The following PCDHGA6 variants were observed in gnomAD, a reference collection of about 807,000 sequenced individuals.
PCDHGA6 encodes the protein protocadherin gamma subfamily A, 6, also known as protocadherin gamma-A6.
Under a neutral mutation model 60.6 loss-of-function variants are expected in PCDHGA6, and 41 were observed. The observed-to-expected ratio is 0.68, with a 90% CI of 0.53 to 0.88. PCDHGA6 has a LOEUF of 0.88. Ranked by LOEUF, PCDHGA6 falls within the 40% of genes least tolerant of loss-of-function variation. PCDHGA6 has a pLI of 0.00. For synonymous variants in PCDHGA6, 594 were observed against 524.4 expected (o/e 1.13, Z -1.81); for missense variants, 1,312 against 1,203.0 (o/e 1.09, Z -1.34).
In PCDHGA6 at chr5:141,476,432, G is replaced by A. The variant is rs139089802; in HGVS notation, c.2425-18375G>A. 15 of 1,614,116 alleles carry A rather than the reference G, an allele frequency of 9.3e-6. No individual in the cohort carries two copies. The East Asian group carries it at 3.3e-4, about 36-fold the overall frequency. Reference sequence around the variant, plus strand: ...GTGTGGGACACTGCCCTCTTGCACTGTAACTCTGGAGTTGGTAGTGGAGAA... The same window carrying A: ...GTGTGGGACACTGCCCTCTTGCACTATAACTCTGGAGTTGGTAGTGGAGAA... On this transcript the variant is annotated intron_variant, in intron 1 of 3. Coordinates refer to ENST00000517434, the MANE Select transcript of PCDHGA6 (RefSeq NM_018919.3). The surrounding 1 kb of genome is among the most constrained non-coding windows in gnomAD (Gnocchi z 7.6).
chr5:141,410,560 A>G (rs769354927), intron 1 of PCDHGA6: 3 of 1,612,824 alleles, frequency 1.9e-6, no homozygotes, highest in African/African-American at 1.3e-5. Flanking sequence ...TTTCTCCTGG[A>G]GCCTTAATTC....
rs752155536 is a variant in PCDHGA6, at chr5:141,477,181, C to T, written c.2425-17626C>T. The T allele has an allele frequency of 2.5e-6, 4 of 1,614,182 alleles. No individual in the cohort carries two copies. In the Admixed American group the frequency reaches 6.7e-5, roughly 27 times the overall value. ...ACAACGCCCCGGAGATCACAGTCACCTCCGTGTACAGCCCAGTACCCGAGG... is the reference window on the plus strand; with the variant it reads ...ACAACGCCCCGGAGATCACAGTCACTTCCGTGTACAGCCCAGTACCCGAGG... On this transcript the variant is annotated intron_variant, in intron 1 of 3. Transcript: ENST00000517434. This position sits in a 1 kb window ranked among gnomAD's most constrained non-coding sequence, Gnocchi z 4.9.
chr5:141,399,991 G>A (rs1226741326), intron 1 of PCDHGA6: 1 of 1,612,422 alleles, frequency 6.2e-7, no homozygotes. Context: ...CACAGGAGAG[G>A]TGCGCACAGC....
Position 141,491,964 on chromosome 5 carries a change from C to A in PCDHGA6, c.2425-2843C>A. On this transcript the variant is annotated intron_variant, in intron 1 of 3. Transcript: ENST00000517434. The surrounding 1 kb of genome is among the most constrained non-coding windows in gnomAD (Gnocchi z 6.9). ...CCCCACCCCTACACTCAAAAAAGGC[C>A]GGGGCCTCCTTCGAGCTTCCGGTGA... The A allele has an allele frequency of 1.1e-6, 1 of 943,952 alleles. No homozygotes were observed. The highest frequency in any genetic ancestry group is 1.5e-6 in the Non-Finnish European group (1 of 671,094). 58.5% of individuals were successfully genotyped at this position (943,952 alleles called of 1,614,324 possible). A position where few individuals can be genotyped will look rare whatever the true frequency, so the allele number is the denominator to read the frequency against.
In PCDHGA6 at chr5:141,491,406, C is replaced by G. The variant is rs773729429; in HGVS notation, c.2425-3401C>G. On this transcript the variant is annotated intron_variant, in intron 1 of 3. Transcript: ENST00000517434. This position sits in a 1 kb window ranked among gnomAD's most constrained non-coding sequence, Gnocchi z 6.9. ...CGAAGTGCCTTCAGGGAAACGCAGA[C>G]GGGGACGGGGGTGGAGGGCAGTGCT... 9 of 1,613,978 alleles carry G rather than the reference C, an allele frequency of 5.6e-6. No homozygotes were observed.
intron 1 of PCDHGA6, chr5:141,389,721 G>A (rs1477842058): frequency 2.5e-6 from 4 of 1,612,502 alleles, no homozygotes; most frequent in Non-Finnish European, 1.7e-6. Context: ...TAGCGAGCCC[G>A]GGCTCTTCAG....
intron 1 of PCDHGA6, chr5:141,421,851 T>G: frequency 6.2e-7 from 1 of 1,613,714 alleles, no homozygotes; most frequent in East Asian, 2.2e-5. Context: ...AAGAGGCTGC[T>G]CACCTGCTCC....
At chr5:141,413,411 T>TC in intron 1 of PCDHGA6, 1 of 1,614,038 alleles carries the variant, frequency 6.2e-7, no homozygotes, top group Non-Finnish European at 8.5e-7. Flanking sequence ...ACGCAGCTTT[T>TC]CTCTCTGAAC....
chr5:141,400,454 T>C (rs779993462), intron 1 of PCDHGA6: 1 of 1,614,096 alleles, frequency 6.2e-7, no homozygotes, highest in Non-Finnish European at 8.5e-7. Flanking sequence ...CAAGACATAC[T>C]TTGTGGTGAT....
intron 1 of PCDHGA6, among the ~76,000 whole-genome samples, chr5:141,456,166 G>A (rs531975607): frequency 6.6e-6 from 1 of 152,148 alleles, no homozygotes; most frequent in African/African-American, 2.4e-5. Flanking sequence ...TAAAGTGCTG[G>A]GATTACAGAA....
rs375487349 is a variant in PCDHGA6 at position 141,383,260 on chromosome 5, G to A, written c.2424+6753G>A. The A allele has an allele frequency of 7.3e-5, 118 of 1,613,782 alleles. 1 individual carries two copies. In the East Asian group the frequency reaches 2.5e-3, roughly 35 times the overall value. On this transcript the variant is annotated intron_variant, in intron 1 of 3. Coordinates refer to ENST00000517434, the MANE Select transcript of PCDHGA6 (RefSeq NM_018919.3). The stretch of plus-strand genomic sequence containing the variant: ...TAAAATGAATCTTTACCCTATAGAC[G>A]TGGAAATAATAGATATTAATGACAA...
Position 141,432,521 on chromosome 5 carries a change from G to C in PCDHGA6, c.2424+56014G>C. ...CCGCTCCGCAGAGCCCGGCTACCTG[G>C]TGACCAAGGTGGTGGCGGTGGACAG... On this transcript the variant is annotated intron_variant, in intron 1 of 3. Transcript: ENST00000517434. The surrounding 1 kb of genome is among the most constrained non-coding windows in gnomAD (Gnocchi z 6.0). 1.2e-6 allele frequency: 2 copies of C among 1,614,112 alleles called. No individual in the cohort carries two copies. The highest frequency in any genetic ancestry group is 1.7e-6 in the Non-Finnish European group (2 of 1,180,028).
chr5:141,389,121 A>T (rs754294132), intron 1 of PCDHGA6: 2 of 1,613,910 alleles, frequency 1.2e-6, no homozygotes, highest in Non-Finnish European at 1.7e-6. Flanking sequence ...CCGCGAGCAG[A>T]ATCCAGAGTA....
chr5:141,415,322 T>G (rs1226384298), intron 1 of PCDHGA6: 2 of 1,614,104 alleles, frequency 1.2e-6, no homozygotes, highest in South Asian at 2.2e-5. Flanking sequence ...ATCGTGCTGC[T>G]GGCGCACAGG....
chr5:141,395,302 T>C, intron 1 of PCDHGA6: 1 of 1,516,670 alleles, frequency 6.6e-7, no homozygotes, highest in East Asian at 2.3e-5. Flanking sequence ...AATTATGTTT[T>C]GAAAAACATT....
Position 141,394,739 on chromosome 5 carries a change from C to A in PCDHGA6, c.2424+18232C>A, listed in dbSNP as rs377359689. 7.4e-6 allele frequency: 12 copies of A among 1,613,272 alleles called. No individual in the cohort carries two copies. In the African/African-American group the frequency reaches 1.2e-4, roughly 16 times the overall value. ...ACAGAGATGCGCTCAAGCAGAGCCT[C>A]GTGGTGGCCGTCCAGGACCATGGCC... On this transcript the variant is annotated intron_variant, in intron 1 of 3. Coordinates refer to ENST00000517434, the MANE Select transcript of PCDHGA6 (RefSeq NM_018919.3).
At chr5:141,379,014 T>G (rs1440666109) in intron 1 of PCDHGA6, 1 of 152,222 alleles carries the variant, frequency 6.6e-6, no homozygotes, top group East Asian at 1.9e-4. Flanking sequence ...TCTCCAGTCA[T>G]GAGTTGGAAG....
In PCDHGA6 at chr5:141,374,627, G is replaced by A. The variant is rs955993144; in HGVS notation, c.544G>A (p.Val182Met). 2 of 1,613,064 alleles carry A rather than the reference G, an allele frequency of 1.2e-6. No homozygotes were observed. The highest frequency in any genetic ancestry group is 1.3e-5 in the African/African-American group (1 of 74,938). ...LSGNSHFSVD[V>M]QSEAHGPKYP... is the part of the protein sequence containing the mutation. ...TGGTAATAGTCACTTCTCAGTGGAC[G>A]TGCAAAGCGAAGCCCATGGGCCCAA... Residue 182 changes from valine to methionine, a missense_variant, in exon 1 of 4, where the codon GTG becomes ATG. By Grantham distance (21) the Val-to-Met change is conservative. Transcript: ENST00000517434.
rs758181180 is a variant in PCDHGA6 at position 141,485,483 on chromosome 5, G to T, written c.2425-9324G>T. The T allele has an allele frequency of 1.9e-6, 3 of 1,614,106 alleles. No homozygotes were observed. The highest frequency in any genetic ancestry group is 2.5e-6 in the Non-Finnish European group (3 of 1,180,022). ...GTGTGGGCTCAGTGCCAGCTGCATC[G>T]TGCCCCTGGAGTTTGTCACCGAAGG... On this transcript the variant is annotated intron_variant, in intron 1 of 3. Coordinates refer to ENST00000517434, the MANE Select transcript of PCDHGA6 (RefSeq NM_018919.3). The surrounding 1 kb of genome is among the most constrained non-coding windows in gnomAD (Gnocchi z 5.7).
Sources: allele counts gnomAD v4.1 joint callset (sites outside exome capture counted in the v4.1 genomes callset), GRCh38; gene constraint gnomAD v4.1.1; non-coding constraint Gnocchi (gnomAD v3.1); transcripts MANE v1.5; gene names NCBI Gene and HGNC (gene_info 2026-07-23, HGNC 2026-07-21).